ERC2: variants seen among roughly 807,000 people sequenced by gnomAD.
The protein encoded by ERC2 is ERC protein 2.
ERC2 carries 42 observed loss-of-function variants against 114.8 expected under a neutral mutation model. The ratio of observed to expected loss-of-function variants is 0.37; its 90% confidence interval spans 0.29 to 0.47. The LOEUF (loss-of-function observed/expected upper bound fraction) is 0.47, where lower values mean the gene tolerates loss of function less well. ERC2 is among the 20% of genes least tolerant of loss of function. ERC2 has a pLI of 0.99. For missense variants in ERC2, 939 were observed against 1,150.7 expected (o/e 0.82, Z 2.66); for synonymous variants, 454 against 425.5 (o/e 1.07, Z -0.82).
At chr3:56,202,377 A>T (rs912392696) in intron 3 of ERC2, among the ~76,000 whole-genome samples, 2 of 152,164 alleles carry the variant, frequency 1.3e-5, no homozygotes, top group Non-Finnish European at 2.9e-5. Flanking sequence ...ATGATTTTGC[A>T]TTTATAGAGT....
chr3:55,547,926 C>T (rs2054872799), intron 17 of ERC2, among the ~76,000 whole-genome samples: 1 of 152,176 alleles, frequency 6.6e-6, no homozygotes, highest in Non-Finnish European at 1.5e-5. Context: ...TTTCCTGGGT[C>T]CCCATCCAGA....
chr3:56,132,024 G>T (rs1293196991), intron 6 of ERC2, among the ~76,000 whole-genome samples: 1 of 152,088 alleles, frequency 6.6e-6, no homozygotes, highest in African/African-American at 2.4e-5. Context: ...TATATGCTAT[G>T]GCAAATACTA....
intron 17 of ERC2, among the ~76,000 whole-genome samples, chr3:55,554,035 C>T (rs1230463578): frequency 1.3e-5 from 2 of 152,050 alleles, no homozygotes; most frequent in Non-Finnish European, 1.5e-5. Context: ...TAATGTAATC[C>T]TGCCTAGGCT....
chr3:56,431,902 C>G (rs2061808957), intron 2 of ERC2, among the ~76,000 whole-genome samples: 1 of 152,058 alleles, frequency 6.6e-6, no homozygotes, highest in Admixed American at 6.6e-5. Context: ...ACCAAGGTAT[C>G]CTGTGATCAC....
chr3:56,338,344 A>G (rs2057944129), intron 2 of ERC2, among the ~76,000 whole-genome samples: 1 of 152,226 alleles, frequency 6.6e-6, no homozygotes, highest in Non-Finnish European at 1.5e-5. Context: ...TGCCTGCCTC[A>G]TCTAATCCAG....
At chr3:55,937,785 A>AT (rs771870443) in intron 13 of ERC2, among the ~76,000 whole-genome samples, 1 of 152,208 alleles carries the variant, frequency 6.6e-6, no homozygotes, top group Non-Finnish European at 1.5e-5. Context: ...AAACTTGAAA[A>AT]TTTATCTTTG....
chr3:56,329,145 T>C (rs190208101), intron 2 of ERC2, among the ~76,000 whole-genome samples: 16 of 152,346 alleles, frequency 1.1e-4, no homozygotes, highest in African/African-American at 3.6e-4. Flanking sequence ...CAAAATCTTT[T>C]GCAAATTACA....
At chr3:56,398,704 T>C (rs1370873238) in intron 2 of ERC2, among the ~76,000 whole-genome samples, 1 of 152,152 alleles carries the variant, frequency 6.6e-6, no homozygotes, top group Non-Finnish European at 1.5e-5. Context: ...CATAGTTCAC[T>C]GTAACTCCTG....
chr3:55,870,000 G>A (rs901187760), intron 14 of ERC2, among the ~76,000 whole-genome samples: 6 of 152,086 alleles, frequency 3.9e-5, no homozygotes, highest in African/African-American at 1.2e-4. Flanking sequence ...TACATCAGTG[G>A]CCTCAAAAAG....
chr3:56,248,677 C>T lies in ERC2; in HGVS notation c.1074+47342G>A, dbSNP rs550205729. Among the ~76,000 whole-genome samples, 38 of 152,336 alleles carry T rather than the reference C, an allele frequency of 2.5e-4. No individual in the cohort carries two copies. In the South Asian group the frequency reaches 7.5e-3, roughly 30 times the overall value. On this transcript the variant is annotated intron_variant, in intron 3 of 17. Coordinates refer to ENST00000288221, the MANE Select transcript of ERC2 (RefSeq NM_015576.3). The stretch of plus-strand genomic sequence containing the variant: ...GCTTCTACATGCTTCTTTCCAATAA[C>T]TAATTCTGTAAACACAATAAAGTAC...
At position 56,136,057 on chromosome 3, in the gene ERC2, A is replaced by C. The variant is rs377513167; in HGVS notation, c.1473+3452T>G. Among the ~76,000 whole-genome samples, 5 of 152,314 alleles carry C rather than the reference A, an allele frequency of 3.3e-5. No individual in the cohort carries two copies. The East Asian group carries it at 9.6e-4, about 29-fold the overall frequency. On this transcript the variant is annotated intron_variant, in intron 6 of 17. Transcript: ENST00000288221. ...ATTATTCTATTGATTTATTGCACAC[A>C]TGTCAGAGTGTCTGGGCATTTGTAC...
At position 56,170,905 on chromosome 3, in the gene ERC2, C is replaced by G. The variant is rs1000057434; in HGVS notation, c.1149+2541G>C. 2.0e-5 allele frequency among the ~76,000 whole-genome samples: 3 copies of G among 152,032 alleles called. No individual in the cohort carries two copies. In the East Asian group the frequency reaches 5.8e-4, roughly 30 times the overall value. On this transcript the variant is annotated intron_variant, in intron 4 of 17. Transcript: ENST00000288221. ...TCAGCCTCCCGAGTAGCTGGGACTA[C>G]AGGCGCGTGCCACCACGCCCAGCTA...
rs186148064 is a variant in ERC2, at chr3:55,583,762, G to A, written c.*40-72486C>T. On this transcript the variant is annotated intron_variant, in intron 17 of 17. Transcript: ENST00000288221. ...GATGGAACCAGCCACGTCTGTAATG[G>A]GAAAATCCCTCTTCCCAAGTATCCG... Among the ~76,000 whole-genome samples, 147 of 151,660 alleles carry A rather than the reference G, an allele frequency of 9.7e-4. 1 individual carries two copies. The highest frequency in any genetic ancestry group is 3.4e-3 in the African/African-American group (142 of 41,262).
chr3:56,320,315 G>C (rs1246774623), intron 2 of ERC2, among the ~76,000 whole-genome samples: 3 of 152,132 alleles, frequency 2.0e-5, no homozygotes, highest in Non-Finnish European at 4.4e-5. Flanking sequence ...AGCTTGAAAG[G>C]GCTAAGAAAA....
chr3:55,575,554 TC>T (rs544291545), intron 17 of ERC2, among the ~76,000 whole-genome samples: 304 of 152,290 alleles, frequency 2.0e-3, no homozygotes, highest in African/African-American at 7.0e-3. Flanking sequence ...TTATAAGAAT[TC>T]TTTGGAGTGG....
At chr3:55,958,696 G>A (rs1302682852) in intron 12 of ERC2, among the ~76,000 whole-genome samples, 2 of 152,254 alleles carry the variant, frequency 1.3e-5, no homozygotes, top group Non-Finnish European at 2.9e-5. Context: ...GGAAGCTGGA[G>A]TGTCAGTGCT....
chr3:55,560,392 T>C (rs116088308), intron 17 of ERC2, among the ~76,000 whole-genome samples: 4,991 of 152,310 alleles, frequency 0.033, 124 homozygotes, highest in Non-Finnish European at 0.048. Context: ...TTAAGCCTGA[T>C]AATTGTTGTA....
chr3:55,723,942 TA>T (rs2064745234), intron 15 of ERC2, among the ~76,000 whole-genome samples: 1 of 152,076 alleles, frequency 6.6e-6, no homozygotes, highest in South Asian at 2.1e-4. Context: ...TTTGAAATGA[TA>T]AGGTGAAGAC....
At chr3:55,917,693 G>C (rs2065183946) in intron 13 of ERC2, among the ~76,000 whole-genome samples, 1 of 152,114 alleles carries the variant, frequency 6.6e-6, no homozygotes, top group Non-Finnish European at 1.5e-5. Context: ...GTTTCCTTTT[G>C]AGGTAACAAA....
Sources: gnomAD v4.1 joint callset for allele counts (sites outside exome capture counted in the v4.1 genomes callset) on GRCh38, gnomAD v4.1.1 for gene constraint, MANE v1.5 for transcripts, NCBI Gene and HGNC (gene_info 2026-07-23, HGNC 2026-07-21) for gene names.